The following GRK5 variants were observed in gnomAD, a reference collection of about 807,000 sequenced individuals.
GRK5 encodes the protein G protein-coupled receptor kinase 5, also known as g protein-coupled receptor kinase GRK5.
GRK5 carries 40 observed loss-of-function variants against 78.4 expected under a neutral mutation model. The observed-to-expected ratio is 0.51, with a 90% CI of 0.40 to 0.66. The LOEUF (loss-of-function observed/expected upper bound fraction) is 0.66, where lower values mean the gene tolerates loss of function less well. Among genes scored for constraint, GRK5 ranks in the 30% least tolerant of loss-of-function variants. The pLI, the probability that GRK5 is intolerant of heterozygous loss-of-function variation, is 0.00. For synonymous variants in GRK5, 289 were observed against 296.8 expected (o/e 0.97, Z 0.27); for missense variants, 598 against 759.9 (o/e 0.79, Z 2.50).
At chr10:119,321,325 G>A (rs928879772) in intron 1 of GRK5, among the ~76,000 whole-genome samples, 1 of 152,210 alleles carries the variant, frequency 6.6e-6, no homozygotes, top group Admixed American at 6.5e-5. Context: ...AAGCTAAGTG[G>A]ATTAAAACAC....
intron 2 of GRK5, among the ~76,000 whole-genome samples, chr10:119,361,821 C>T (rs1255983196): frequency 6.6e-6 from 1 of 151,938 alleles, no homozygotes; most frequent in Non-Finnish European, 1.5e-5. Flanking sequence ...ATTAGCCAGG[C>T]GTAGTGGCGT....
At position 119,326,704 on chromosome 10, in the gene GRK5, GCTGT is replaced by G. The variant is rs1247636764; in HGVS notation, c.148+98_148+101del. 6.4e-6 allele frequency: 6 copies of G among 935,352 alleles called. No homozygotes were observed. The African/African-American group carries it at 9.7e-5, about 15-fold the overall frequency. 57.9% of individuals were successfully genotyped at this position (935,352 alleles called of 1,614,324 possible). On this transcript the variant is annotated intron_variant, in intron 2 of 15. Transcript: ENST00000392870. ...TTAAGGCAAATGGGTGAGCCGCCAA[GCTGT>G]CTGTGCAGTGAGGCAAATGCCAATC...
In GRK5 at chr10:119,452,203, T is replaced by C. The variant is rs1367424484; in HGVS notation, c.1405-468T>C. On this transcript the variant is annotated intron_variant, in intron 13 of 15. Transcript: ENST00000392870. The surrounding 1 kb of genome is among the most constrained non-coding windows in gnomAD (Gnocchi z 4.4). The stretch of plus-strand genomic sequence containing the variant: ...CCCAGGTGCCTCGTTGTCCCCATTT[T>C]GCCGGTAAGGAAACAGGACATAGGC... Among the ~76,000 whole-genome samples, 1 of 152,198 alleles carries C rather than the reference T, an allele frequency of 6.6e-6. No individual in the cohort carries two copies. Among genetic ancestry groups the C allele is most frequent in the Non-Finnish European group, 1.5e-5 (1 of 68,030 alleles).
chr10:119,241,107 C>A (rs994876014), intron 1 of GRK5, among the ~76,000 whole-genome samples: 1 of 152,158 alleles, frequency 6.6e-6, no homozygotes, highest in South Asian at 2.1e-4. Flanking sequence ...GTGTTCTAGT[C>A]CCTTGTTGCG....
chr10:119,326,739 A>G, intron 2 of GRK5, 128 bp downstream of exon 2: 1 of 712,532 alleles, frequency 1.4e-6, no homozygotes, highest in Non-Finnish European at 2.5e-6. Context: ...CAATCAGTGG[A>G]CACAGTATTG....
rs182737384 is a variant in GRK5 at position 119,300,273 on chromosome 10, C to T, written c.53-26243C>T. On this transcript the variant is annotated intron_variant, in intron 1 of 15. Transcript: ENST00000392870. Reference sequence around the variant, plus strand: ...GCCAGCAAGGAAGGAGAATATAAGTCGTCTTTTTTGCAGGATGCAAAATTG... The same window carrying T: ...GCCAGCAAGGAAGGAGAATATAAGTTGTCTTTTTTGCAGGATGCAAAATTG... Among the ~76,000 whole-genome samples, 214 of 152,286 alleles carry T rather than the reference C, an allele frequency of 1.4e-3. 2 individuals carry two copies. Among genetic ancestry groups the T allele is most frequent in the Middle Eastern group, 0.01 (3 of 294 alleles).
chr10:119,226,922 G>T (rs930020426), intron 1 of GRK5, among the ~76,000 whole-genome samples: 1 of 152,066 alleles, frequency 6.6e-6, no homozygotes, highest in Non-Finnish European at 1.5e-5. Context: ...GCAGTGGCGT[G>T]ATCTTGGCTC....
chr10:119,318,920 C>T (rs1449802114), intron 1 of GRK5, among the ~76,000 whole-genome samples: 1 of 152,056 alleles, frequency 6.6e-6, no homozygotes, highest in Non-Finnish European at 1.5e-5. Flanking sequence ...GGAATGATAC[C>T]GTTATTCTTC....
Position 119,253,530 on chromosome 10 carries a change from GT to G in GRK5, c.52+45562del, listed in dbSNP as rs556200837. On this transcript the variant is annotated intron_variant, in intron 1 of 15. Coordinates refer to ENST00000392870, the MANE Select transcript of GRK5 (RefSeq NM_005308.3). This position sits in a 1 kb window ranked among gnomAD's most constrained non-coding sequence, Gnocchi z 5.7. ...CTGGGTCTAAGCCCTGGAGCTTAGG[GT>G]GCTGTGATATGCTTGCGGGATGCTG... 3.3e-5 allele frequency among the ~76,000 whole-genome samples: 5 copies of G among 152,312 alleles called. No individual in the cohort carries two copies. The South Asian group carries it at 1.0e-3, about 32-fold the overall frequency.
intron 2 of GRK5, chr10:119,330,410 A>AGAGC (rs1564893715): frequency 2.1e-5 from 3 of 144,816 alleles, no homozygotes; most frequent in African/African-American, 8.0e-5. Context: ...AGAGAGAGAG[A>AGAGC]GCTCTTGTCT....
At chr10:119,296,195 A>T (rs1850077585) in intron 1 of GRK5, among the ~76,000 whole-genome samples, 1 of 152,208 alleles carries the variant, frequency 6.6e-6, no homozygotes, top group African/African-American at 2.4e-5. Flanking sequence ...TTCATGTCAC[A>T]AAATGGCTGC....
chr10:119,436,708 A>G lies in GRK5; in HGVS notation c.796A>G (p.Met266Val), dbSNP rs1242450120. 6.2e-7 allele frequency: 1 copy of G among 1,614,216 alleles called. No homozygotes were observed. The highest frequency in any genetic ancestry group is 1.1e-5 in the South Asian group (1 of 91,088). Residue 266 changes from methionine (M) to valine (V), a missense_variant, in exon 9 of 16, where the codon ATG becomes GTG. By Grantham distance (21) the Met-to-Val change is conservative. Transcript: ENST00000392870. ...TGCACTGTGCTTGGTCCTGACCATC[A>G]TGAATGGGGGTGACCTGAAGTTCCA... Reference protein sequence around the residue: ...KDALCLVLTIMNGGDLKFHIY... With the variant: ...KDALCLVLTIVNGGDLKFHIY...
rs146852162 is a variant in GRK5 at position 119,325,818 on chromosome 10, G to A, written c.53-698G>A. Among the ~76,000 whole-genome samples the A allele has an allele frequency of 6.6e-5, 10 of 152,348 alleles. 1 individual carries two copies. The highest frequency in any genetic ancestry group is 4.1e-4 in the South Asian group (2 of 4,832). ...GTGTGCGCCTCATGTGGTTCTGCAC[G>A]TTACACGTGACTGTTCATTACATGT... On this transcript the variant is annotated intron_variant, in intron 1 of 15. Coordinates refer to ENST00000392870, the MANE Select transcript of GRK5 (RefSeq NM_005308.3).
chr10:119,313,750 C>G (rs1850436669), intron 1 of GRK5, among the ~76,000 whole-genome samples: 1 of 152,122 alleles, frequency 6.6e-6, no homozygotes, highest in South Asian at 2.1e-4. Flanking sequence ...CACCAGAGTG[C>G]TCCTCTCTCT....
chr10:119,353,461 A>G (rs1851216116), intron 2 of GRK5, among the ~76,000 whole-genome samples: 1 of 152,238 alleles, frequency 6.6e-6, no homozygotes, highest in African/African-American at 2.4e-5. Flanking sequence ...CTCAATACTT[A>G]CCATTGAAAC....
rs536961953 is a variant in GRK5, at chr10:119,378,352, A to G, written c.149-2463A>G. 3.3e-5 allele frequency among the ~76,000 whole-genome samples: 5 copies of G among 152,194 alleles called. No homozygotes were observed. Among genetic ancestry groups the G allele is most frequent in the Non-Finnish European group, 7.3e-5 (5 of 68,034 alleles). ...CAGTCCAGGGCTAGTTGGAGCCACA[A>G]AACCATTTGAGAGTGGGCCAAGAGG... On this transcript the variant is annotated intron_variant, in intron 2 of 15. Coordinates refer to ENST00000392870, the MANE Select transcript of GRK5 (RefSeq NM_005308.3). This position sits in a 1 kb window ranked among gnomAD's most constrained non-coding sequence, Gnocchi z 4.5.
intron 2 of GRK5, among the ~76,000 whole-genome samples, chr10:119,352,758 G>A (rs1246782384): frequency 2.0e-5 from 3 of 152,160 alleles, no homozygotes; most frequent in African/African-American, 7.2e-5. Flanking sequence ...GTACAAACCA[G>A]TCTCATTCCA....
chr10:119,391,225 C>T (rs1265054525), intron 3 of GRK5, among the ~76,000 whole-genome samples: 5 of 152,358 alleles, frequency 3.3e-5, no homozygotes, highest in African/African-American at 7.2e-5. Context: ...AGATGGGAGC[C>T]GGAGCCAGAG....
intron 4 of GRK5, among the ~76,000 whole-genome samples, chr10:119,411,454 G>A (rs1852334836): frequency 6.6e-6 from 1 of 152,158 alleles, no homozygotes; most frequent in Non-Finnish European, 1.5e-5. Context: ...TCTTCCTAAA[G>A]GCATCATGGC....
Sources: gnomAD v4.1 joint callset for allele counts (sites outside exome capture counted in the v4.1 genomes callset) on GRCh38, gnomAD v4.1.1 for gene constraint, Gnocchi (gnomAD v3.1) non-coding constraint, MANE v1.5 for transcripts, NCBI Gene and HGNC (gene_info 2026-07-23, HGNC 2026-07-21) for gene names.